Variants in SNX18 observed in about 807,000 individuals in gnomAD.
The protein encoded by SNX18 is sorting nexin 18, also known as sorting nexin-18.
Under a neutral mutation model 48.7 loss-of-function variants are expected in SNX18, and 35 were observed. That is an observed-to-expected ratio of 0.72 (90% CI 0.55 to 0.95). The LOEUF is 0.95. Ranked by LOEUF, SNX18 falls within the 40% of genes least tolerant of loss-of-function variation. The pLI, the probability that SNX18 is intolerant of heterozygous loss-of-function variation, is 0.00. For missense variants in SNX18, 824 were observed against 871.0 expected (o/e 0.95, Z 0.68); for synonymous variants, 492 against 384.7 (o/e 1.28, Z -3.26).
the SNX18 span, among the ~76,000 whole-genome samples, chr5:54,591,679 T>C: frequency 6.6e-6 from 1 of 152,240 alleles, no homozygotes; most frequent in African/African-American, 2.4e-5. Context: ...TTTCTGCCCT[T>C]TCGAAGTTAG....
At chr5:54,603,203 G>C in the SNX18 span, among the ~76,000 whole-genome samples, 1 of 149,598 alleles carries the variant, frequency 6.7e-6, no homozygotes, top group African/African-American at 2.5e-5. Flanking sequence ...GAATTATCAG[G>C]ATCAAAGTTG....
At chr5:54,525,601 G>T (rs933735668) in intron 1 of SNX18, among the ~76,000 whole-genome samples, 2 of 152,148 alleles carry the variant, frequency 1.3e-5, no homozygotes, top group East Asian at 3.9e-4. Flanking sequence ...GGAGTCAATC[G>T]TTTGTTGTTG....
At chr5:54,565,959 C>A in the SNX18 span, among the ~76,000 whole-genome samples, 1 of 152,158 alleles carries the variant, frequency 6.6e-6, no homozygotes, top group Admixed American at 6.5e-5. Flanking sequence ...CAGAAGGGTG[C>A]CTGTTGCCTG....
At chr5:54,617,581 A>T in the SNX18 span, among the ~76,000 whole-genome samples, 2 of 152,320 alleles carry the variant, frequency 1.3e-5, no homozygotes. Flanking sequence ...CTAAAGAGAC[A>T]GAAAATATGG....
chr5:54,557,817 G>A, the SNX18 span, among the ~76,000 whole-genome samples: 3 of 152,188 alleles, frequency 2.0e-5, no homozygotes, highest in African/African-American at 7.2e-5. Context: ...AAGCAGTCAT[G>A]GGAGAAAGTT....
At chr5:54,561,188 C>CT in the SNX18 span, among the ~76,000 whole-genome samples, 1 of 150,894 alleles carries the variant, frequency 6.6e-6, no homozygotes, top group South Asian at 2.1e-4. Context: ...GATTACAGGC[C>CT]TGCACCACCA....
chr5:54,552,126 C>T, the SNX18 span, among the ~76,000 whole-genome samples: 33 of 152,188 alleles, frequency 2.2e-4, no homozygotes, highest in African/African-American at 7.0e-4. Context: ...CACCAGCCTG[C>T]GGAATTCAAA....
At chr5:54,586,987 C>CTT in the SNX18 span, among the ~76,000 whole-genome samples, 2 of 144,012 alleles carry the variant, frequency 1.4e-5, no homozygotes, top group Admixed American at 6.9e-5. Flanking sequence ...AATTTATTTC[C>CTT]TTTTTTTTTT....
intron 1 of SNX18, among the ~76,000 whole-genome samples, chr5:54,538,924 A>C (rs1199837350): frequency 6.6e-6 from 1 of 152,244 alleles, no homozygotes; most frequent in Non-Finnish European, 1.5e-5. Context: ...TTGTGGGTAC[A>C]ATTTTATGGA....
the SNX18 span, among the ~76,000 whole-genome samples, chr5:54,609,661 T>G: frequency 6.6e-6 from 1 of 151,994 alleles, no homozygotes; most frequent in Non-Finnish European, 1.5e-5. Context: ...ATAAAAAAAA[T>G]GCCAAGGATT....
At chr5:54,618,791 G>A in the SNX18 span, among the ~76,000 whole-genome samples, 1 of 151,470 alleles carries the variant, frequency 6.6e-6, no homozygotes, top group African/African-American at 2.4e-5. Flanking sequence ...ACACCAGACA[G>A]GACAACTCAG....
downstream of SNX18, among the ~76,000 whole-genome samples, chr5:54,550,863 G>C (rs868469764): frequency 5.3e-5 from 8 of 152,308 alleles, no homozygotes; most frequent in Middle Eastern, 6.8e-3. Flanking sequence ...GGGATTACAG[G>C]TGTGAGTCAC....
At chr5:54,617,498 G>A in the SNX18 span, among the ~76,000 whole-genome samples, 2 of 152,290 alleles carry the variant, frequency 1.3e-5, no homozygotes, top group African/African-American at 4.8e-5. Context: ...TTGTCTGTCA[G>A]TGGCATTACT....
At chr5:54,552,069 A>G in the SNX18 span, among the ~76,000 whole-genome samples, 6 of 152,288 alleles carry the variant, frequency 3.9e-5, no homozygotes, top group African/African-American at 1.4e-4. Flanking sequence ...AGGAGGAGAG[A>G]GCAGCCACAG....
chr5:54,615,258 A>T, the SNX18 span, among the ~76,000 whole-genome samples: 1 of 152,214 alleles, frequency 6.6e-6, no homozygotes, highest in East Asian at 1.9e-4. Flanking sequence ...ATTCTTGAGC[A>T]TGATCTAGAA....
the SNX18 span, among the ~76,000 whole-genome samples, chr5:54,565,572 T>TA: frequency 5.8e-4 from 87 of 148,802 alleles, 1 homozygote; most frequent in African/African-American, 1.8e-3. Context: ...GACCTTGTCT[T>TA]AAAAAAAAAA....
chr5:54,641,925 G>A, the SNX18 span, among the ~76,000 whole-genome samples: 3 of 151,942 alleles, frequency 2.0e-5, no homozygotes, highest in African/African-American at 7.3e-5. Context: ...AAAACGATTG[G>A]TGGCTACTTG....
the SNX18 span, among the ~76,000 whole-genome samples, chr5:54,567,739 G>A: frequency 6.6e-6 from 1 of 152,188 alleles, no homozygotes; most frequent in Admixed American, 6.5e-5. Flanking sequence ...AGTGGCCATG[G>A]GATGTAAGTA....
In SNX18 at chr5:54,545,149, A is replaced by G. The variant is rs1762554944; in HGVS notation, c.*1717A>G. 1 of 152,198 alleles carries G rather than the reference A, an allele frequency of 6.6e-6. No individual in the cohort carries two copies. The highest frequency in any genetic ancestry group is 1.5e-5 in the Non-Finnish European group (1 of 68,024). The allele number at this position is 152,198 out of a possible 1,614,324, so 9.4% of individuals were successfully genotyped here. A position where few individuals can be genotyped will look rare whatever the true frequency, so the allele number is the denominator to read the frequency against. On this transcript the variant is annotated 3_prime_UTR_variant, in exon 2 of 2. Coordinates refer to ENST00000381410, the MANE Select transcript of SNX18 (RefSeq NM_001102575.2). ...CTTAGGTTACTTAGAGCCAGATTTA[A>G]CATCATGAACATTATGTGGCTTTGT...
Sources: gnomAD v4.1 joint callset for allele counts (sites outside exome capture counted in the v4.1 genomes callset) on GRCh38, gnomAD v4.1.1 for gene constraint, MANE v1.5 for transcripts, NCBI Gene and HGNC (gene_info 2026-07-23, HGNC 2026-07-21) for gene names.